KCNMA1: variants seen among roughly 807,000 people sequenced by gnomAD.
KCNMA1 encodes Calcium-activated potassium channel subunit alpha-1.
Under a neutral mutation model 140.0 loss-of-function variants are expected in KCNMA1, and 29 were observed. The ratio of observed to expected loss-of-function variants is 0.21; its 90% confidence interval spans 0.15 to 0.28. The LOEUF is 0.28. Among genes scored for constraint, KCNMA1 ranks in the 10% least tolerant of loss-of-function variants. The pLI is 1.00. For synonymous variants in KCNMA1, 612 were observed against 611.9 expected, an observed-to-expected ratio of 1.00 and a Z score of 0.00; for missense variants, 880 against 1,602.2, an observed-to-expected ratio of 0.55 and a Z score of 7.70.
At chr10:77,237,567 C>A (rs1477409481) in intron 3 of KCNMA1, among the ~76,000 whole-genome samples, 1 of 152,176 alleles carries the variant, frequency 6.6e-6, no homozygotes, top group East Asian at 1.9e-4. Context: ...AAGCCATGCT[C>A]CCACCTCAGG....
intron 3 of KCNMA1, among the ~76,000 whole-genome samples, chr10:77,215,264 C>T (rs1458820344): frequency 6.6e-6 from 1 of 152,146 alleles, no homozygotes; most frequent in East Asian, 1.9e-4. Flanking sequence ...ATGTCTTTCT[C>T]CTCTTTAATT....
At chr10:77,512,854 C>A (rs1010216564) in intron 1 of KCNMA1, among the ~76,000 whole-genome samples, 1 of 152,172 alleles carries the variant, frequency 6.6e-6, no homozygotes, top group Non-Finnish European at 1.5e-5. Context: ...GTATATCCGA[C>A]TTGAGCCTTA....
At chr10:77,207,205 A>G (rs2044429402) in intron 3 of KCNMA1, among the ~76,000 whole-genome samples, 2 of 152,198 alleles carry the variant, frequency 1.3e-5, no homozygotes, top group African/African-American at 2.4e-5. Flanking sequence ...TTCTGATTAC[A>G]TAAATTTAAT....
At chr10:76,921,679 C>T (rs984414545) in intron 23 of KCNMA1, among the ~76,000 whole-genome samples, 3 of 152,106 alleles carry the variant, frequency 2.0e-5, no homozygotes, top group Non-Finnish European at 4.4e-5. Flanking sequence ...TGTATTCCAA[C>T]GAATGCTTCA....
chr10:77,028,305 T>C (rs1422579238), intron 15 of KCNMA1, among the ~76,000 whole-genome samples: 17 of 152,124 alleles, frequency 1.1e-4, no homozygotes, highest in Non-Finnish European at 2.4e-4. Flanking sequence ...ATGGCTCATA[T>C]TGTTGTTCCG....
intron 3 of KCNMA1, among the ~76,000 whole-genome samples, chr10:77,247,030 T>C (rs913011410): frequency 2.6e-5 from 4 of 152,204 alleles, no homozygotes; most frequent in Non-Finnish European, 5.9e-5. Flanking sequence ...CCTTTCAGCT[T>C]TACTCTGCAA....
At chr10:76,932,752 G>A (rs1400812419) in intron 23 of KCNMA1, among the ~76,000 whole-genome samples, 1 of 152,174 alleles carries the variant, frequency 6.6e-6, no homozygotes, top group East Asian at 1.9e-4. Flanking sequence ...CCATGTTTGT[G>A]ATTCACTATC....
At chr10:77,348,993 A>G (rs1182735102) in intron 2 of KCNMA1, among the ~76,000 whole-genome samples, 3 of 152,206 alleles carry the variant, frequency 2.0e-5, no homozygotes, top group East Asian at 1.9e-4. Flanking sequence ...TTTTTGTAAG[A>G]TTATAAAGAT....
intron 2 of KCNMA1, among the ~76,000 whole-genome samples, chr10:77,324,955 C>CTGTG (rs1262999462): frequency 3.7e-4 from 39 of 104,184 alleles, no homozygotes; most frequent in African/African-American, 1.2e-3. Flanking sequence ...CTCTCTCTCT[C>CTGTG]TCTCTCTCTC....
intron 9 of KCNMA1, 62 bp from the exon 10 acceptor site, chr10:77,090,572 C>T: frequency 4.6e-6 from 5 of 1,077,952 alleles, no homozygotes; most frequent in African/African-American, 1.5e-5. Context: ...CATCCCACCC[C>T]CTGGCAAGAC....
At chr10:77,211,054 G>GA (rs1163843825) in intron 3 of KCNMA1, among the ~76,000 whole-genome samples, 1 of 152,026 alleles carries the variant, frequency 6.6e-6, no homozygotes, top group Non-Finnish European at 1.5e-5. Context: ...CACAGAATTA[G>GA]AAAAAACTAT....
At chr10:77,258,970 T>C (rs34251501) in intron 2 of KCNMA1, among the ~76,000 whole-genome samples, 1 of 151,206 alleles carries the variant, frequency 6.6e-6, no homozygotes, top group African/African-American at 2.4e-5. Flanking sequence ...CTCAAAAAAA[T>C]ATATATATAA....
intron 2 of KCNMA1, among the ~76,000 whole-genome samples, chr10:77,292,888 A>T (rs2073765165): frequency 1.3e-5 from 2 of 152,198 alleles, no homozygotes; most frequent in Admixed American, 1.3e-4. Flanking sequence ...ATGAATAAGA[A>T]CAGTTCCTGA....
intron 3 of KCNMA1, among the ~76,000 whole-genome samples, chr10:77,193,114 C>G (rs567027828): frequency 4.6e-5 from 7 of 152,008 alleles, no homozygotes; most frequent in African/African-American, 1.4e-4. Context: ...ACATAAGAGG[C>G]AGAGATCTGA....
At chr10:77,160,264 G>T (rs2098540774) in intron 5 of KCNMA1, among the ~76,000 whole-genome samples, 1 of 151,984 alleles carries the variant, frequency 6.6e-6, no homozygotes, top group African/African-American at 2.4e-5. Context: ...CCACTTCCTG[G>T]CTCCCCAAAG....
intron 1 of KCNMA1, among the ~76,000 whole-genome samples, chr10:77,605,666 C>A (rs1277619485): frequency 1.3e-5 from 2 of 152,322 alleles, no homozygotes; most frequent in African/African-American, 4.8e-5. Flanking sequence ...ACACTCTGGC[C>A]CAGTTGAGGG....
intron 2 of KCNMA1, among the ~76,000 whole-genome samples, chr10:77,327,521 T>C (rs1320966925): frequency 6.6e-6 from 1 of 152,060 alleles, no homozygotes; most frequent in African/African-American, 2.4e-5. Flanking sequence ...ATCCTGCTAA[T>C]GTTTTATATT....
chr10:77,092,600 C>A (rs138198568), intron 9 of KCNMA1, among the ~76,000 whole-genome samples: 2 of 152,172 alleles, frequency 1.3e-5, no homozygotes, highest in Admixed American at 6.5e-5. Context: ...CCCTGCTCTG[C>A]GACCAAGGGT....
At chr10:77,461,339 ATTTGTGGGGCAAC>A (rs1411787648) in intron 1 of KCNMA1, among the ~76,000 whole-genome samples, 3 of 150,688 alleles carry the variant, frequency 2.0e-5, no homozygotes, top group Non-Finnish European at 4.4e-5. Context: ...CCACCCTGCT[ATTTGTGGGGCAAC>A]TTGTTTCGCT....
Sources: gnomAD v4.1 joint callset for allele counts (sites outside exome capture counted in the v4.1 genomes callset) on GRCh38, gnomAD v4.1.1 for gene constraint, MANE v1.5 for transcripts, NCBI Gene and HGNC (gene_info 2026-07-23, HGNC 2026-07-21) for gene names.